Variants in DACH1 observed in about 807,000 individuals in gnomAD.
DACH1 encodes the protein dachshund homolog 1.
DACH1 carries 12 observed loss-of-function variants against 54.2 expected under a neutral mutation model. The observed-to-expected ratio is 0.22, with a 90% CI of 0.14 to 0.36. The LOEUF is 0.36. Among genes scored for constraint, DACH1 ranks in the 10% least tolerant of loss-of-function variants. The pLI is 1.00. For synonymous variants in DACH1, 386 were observed against 366.2 expected, an observed-to-expected ratio of 1.05 and a Z score of -0.62; for missense variants, 805 against 929.8, an observed-to-expected ratio of 0.87 and a Z score of 1.75.
chr13:71,794,851 A>G (rs1886979315), intron 1 of DACH1, among the ~76,000 whole-genome samples: 1 of 152,250 alleles, frequency 6.6e-6, no homozygotes, highest in Non-Finnish European at 1.5e-5. Context: ...CTGAAAGGTA[A>G]AAACAAAAAA....
At chr13:71,816,788 T>C (rs751282156) in intron 1 of DACH1, among the ~76,000 whole-genome samples, 2 of 151,954 alleles carry the variant, frequency 1.3e-5, no homozygotes, top group Non-Finnish European at 2.9e-5. Context: ...GAGGCCATTG[T>C]CCTTAGCAAA....
chr13:71,836,505 C>T (rs1888789928), intron 1 of DACH1, among the ~76,000 whole-genome samples: 1 of 152,040 alleles, frequency 6.6e-6, no homozygotes, highest in African/African-American at 2.4e-5. Context: ...ATAGTTTGTT[C>T]TTGTCCCTTA....
intron 2 of DACH1, among the ~76,000 whole-genome samples, chr13:71,634,404 C>A (rs1304175071): frequency 6.6e-6 from 1 of 152,168 alleles, no homozygotes; most frequent in African/African-American, 2.4e-5. Context: ...CCGGCTCCCC[C>A]TTGCTCTCTG....
Position 71,484,590 on chromosome 13 carries a change from A to C in DACH1, c.1722+4407T>G, listed in dbSNP as rs118120313. On this transcript the variant is annotated intron_variant, in intron 7 of 10. Transcript: ENST00000613252. ...ATATCCCCTCATGGCAAATATCTTCAATGCTAACCTCACTCCTAACTAAAT... is the reference window on the plus strand; with the variant it reads ...ATATCCCCTCATGGCAAATATCTTCCATGCTAACCTCACTCCTAACTAAAT... Among the ~76,000 whole-genome samples, 675 of 152,306 alleles carry C rather than the reference A, an allele frequency of 4.4e-3. 4 individuals carry two copies. Among genetic ancestry groups the C allele is most frequent in the Non-Finnish European group, 7.5e-3 (511 of 68,026 alleles).
rs80235347 is a variant in DACH1, at chr13:71,742,386, G to A, written c.849-60476C>T. 8.5e-5 allele frequency among the ~76,000 whole-genome samples: 13 copies of A among 152,146 alleles called. No homozygotes were observed. The East Asian group carries it at 1.2e-3, about 14-fold the overall frequency. ...GTTAAACTTCTAAATATCAATGGTC[G>A]TTACCAGTTTTTTATTCTTCTTGTC... On this transcript the variant is annotated intron_variant, in intron 1 of 10. Transcript: ENST00000613252.
intron 1 of DACH1, among the ~76,000 whole-genome samples, chr13:71,861,234 T>G (rs1255826265): frequency 6.6e-6 from 1 of 152,070 alleles, no homozygotes; most frequent in Non-Finnish European, 1.5e-5. Context: ...GCCTGTCGTG[T>G]AGTTTATTTT....
chr13:71,506,771 T>TA (rs1386343290), intron 6 of DACH1, among the ~76,000 whole-genome samples: 42 of 151,980 alleles, frequency 2.8e-4, no homozygotes, highest in African/African-American at 1.0e-3. Context: ...AACTATCTGA[T>TA]CTTTGATAAA....
At chr13:71,689,056 T>C (rs759295744) in intron 1 of DACH1, among the ~76,000 whole-genome samples, 20 of 152,142 alleles carry the variant, frequency 1.3e-4, no homozygotes, top group Non-Finnish European at 2.9e-4. Context: ...TGCTAGTGAG[T>C]TTGTTTGTTT....
At chr13:71,452,453 A>T (rs564989952) in intron 10 of DACH1, among the ~76,000 whole-genome samples, 51 of 152,158 alleles carry the variant, frequency 3.4e-4, no homozygotes, top group South Asian at 2.3e-3. Context: ...AACACAAATT[A>T]AAAAAAATTA....
In DACH1 at chr13:71,811,656, C is replaced by T. The variant is rs548514975; in HGVS notation, c.848+54266G>A. 3.3e-5 allele frequency among the ~76,000 whole-genome samples: 5 copies of T among 152,286 alleles called. No homozygotes were observed. The East Asian group carries it at 7.7e-4, about 23-fold the overall frequency. On this transcript the variant is annotated intron_variant, in intron 1 of 10. Coordinates refer to ENST00000613252, the MANE Select transcript of DACH1 (RefSeq NM_080759.6). The stretch of plus-strand genomic sequence containing the variant: ...TTTGGGTTCCTCAAGCCAGGGATAT[C>T]CCCCTCATTCTCTACCTTTGCTGTT...
intron 1 of DACH1, among the ~76,000 whole-genome samples, chr13:71,819,295 T>C (rs1422469141): frequency 6.6e-6 from 1 of 152,172 alleles, no homozygotes; most frequent in Non-Finnish European, 1.5e-5. Flanking sequence ...GCACTTTGCA[T>C]AGAATGAACA....
intron 2 of DACH1, among the ~76,000 whole-genome samples, chr13:71,642,142 T>C (rs1039618872): frequency 6.6e-6 from 1 of 152,198 alleles, no homozygotes; most frequent in Non-Finnish European, 1.5e-5. Context: ...AGACGCAATG[T>C]CTGTAGTTAT....
intron 3 of DACH1, among the ~76,000 whole-genome samples, chr13:71,619,770 T>C (rs1253617065): frequency 6.6e-6 from 1 of 151,944 alleles, no homozygotes; most frequent in Non-Finnish European, 1.5e-5. Context: ...TCTAGCTAAG[T>C]TATGTAATTG....
chr13:71,587,688 C>A (rs1873383246), intron 3 of DACH1, among the ~76,000 whole-genome samples: 1 of 151,902 alleles, frequency 6.6e-6, no homozygotes, highest in East Asian at 1.9e-4. Context: ...TCTATGATAC[C>A]ATTTAACTTG....
intron 1 of DACH1, among the ~76,000 whole-genome samples, chr13:71,712,492 C>A (rs1285851318): frequency 3.3e-5 from 5 of 151,970 alleles, no homozygotes; most frequent in African/African-American, 9.7e-5. Flanking sequence ...ATTGCATTGA[C>A]CTTCCTCAGA....
intron 2 of DACH1, among the ~76,000 whole-genome samples, chr13:71,663,501 T>C (rs976082267): frequency 2.6e-5 from 4 of 151,930 alleles, no homozygotes; most frequent in African/African-American, 7.2e-5. Flanking sequence ...CAAGGCATTA[T>C]TGGAGAAAAG....
At chr13:71,748,892 T>TC (rs1566476816) in intron 1 of DACH1, among the ~76,000 whole-genome samples, 4 of 104,432 alleles carry the variant, frequency 3.8e-5, no homozygotes, top group African/African-American at 1.9e-4. Flanking sequence ...CTTTCTTTCT[T>TC]TCTTTCTCTT....
chr13:71,816,596 ACATATGTGTG>A lies in DACH1; in HGVS notation c.848+49316_848+49325del, dbSNP rs1566519258. 3.0e-4 allele frequency among the ~76,000 whole-genome samples: 31 copies of A among 102,086 alleles called. 2 individuals carry two copies. In the East Asian group the frequency reaches 3.8e-3, roughly 12 times the overall value. The allele number at this position is 102,086 out of a possible 152,430, so 67.0% of individuals were successfully genotyped here. A position where few individuals can be genotyped will look rare whatever the true frequency, so the allele number is the denominator to read the frequency against. ...TATATATACACGTATATATATACAC[ACATATGTGTG>A]TATATATATACACGTGTATATATAC... On this transcript the variant is annotated intron_variant, in intron 1 of 10. Coordinates refer to ENST00000613252, the MANE Select transcript of DACH1 (RefSeq NM_080759.6).
intron 1 of DACH1, among the ~76,000 whole-genome samples, chr13:71,719,584 A>T (rs575405017): frequency 4.6e-5 from 7 of 152,290 alleles, no homozygotes; most frequent in Middle Eastern, 6.8e-3. Flanking sequence ...TTGGGTAAAG[A>T]AGAAGAGTAT....
Sources: allele counts gnomAD v4.1 joint callset (sites outside exome capture counted in the v4.1 genomes callset), GRCh38; gene constraint gnomAD v4.1.1; transcripts MANE v1.5; gene names NCBI Gene and HGNC (gene_info 2026-07-23, HGNC 2026-07-21).